CSMD1: variants seen among roughly 807,000 people sequenced by gnomAD.
CSMD1 encodes the protein CUB and sushi domain-containing protein 1.
A neutral mutation model predicts 417.5 loss-of-function variants in CSMD1; 213 were observed. The ratio of observed to expected loss-of-function variants is 0.51; its 90% CI spans 0.46 to 0.57. The LOEUF is 0.57. CSMD1 is among the 20% of genes least tolerant of loss of function. The pLI is 0.00. For synonymous variants in CSMD1, 2,862 were observed against 1,736.8 expected (o/e 1.65, Z -16.11); for missense variants, 6,923 against 4,529.7 (o/e 1.53, Z -15.17).
chr8:2,955,715 C>A lies in CSMD1; in HGVS notation c.9868G>T (p.Asp3290Tyr), dbSNP rs770023036. 1.9e-6 allele frequency: 3 copies of A among 1,613,834 alleles called. No individual in the cohort carries two copies. The highest frequency in any genetic ancestry group is 2.2e-5 in the East Asian group (1 of 44,880). The part of the protein sequence containing the change: ...TPAHADVRAI[D>Y]LPTFGYTLVY... ...AAGGTGTAGCCGAAAGTAGGAAGAT[C>A]GATGGCTCTCACATCCGCGTGTGCC... The change falls in exon 64 of 70, where the codon GAT becomes TAT. Residue 3290 changes from aspartate (D) to tyrosine (Y), a missense_variant. By Grantham distance (160) the Asp-to-Tyr change is radical (BLOSUM62 -3). Transcript: ENST00000635120.
intron 3 of CSMD1, among the ~76,000 whole-genome samples, chr8:4,051,043 T>G (rs556319138): frequency 6.6e-6 from 1 of 152,210 alleles, no homozygotes; most frequent in East Asian, 1.9e-4. Context: ...ACATGATGCC[T>G]GAAATCCTCT....
At chr8:3,429,739 A>C (rs34323169) in intron 12 of CSMD1, among the ~76,000 whole-genome samples, 3 of 152,102 alleles carry the variant, frequency 2.0e-5, no homozygotes, top group Admixed American at 2.0e-4. Flanking sequence ...TCAGCGTAAA[A>C]TTTTCTATGA....
At chr8:3,664,217 GT>G (rs1200090256) in intron 7 of CSMD1, among the ~76,000 whole-genome samples, 2 of 152,090 alleles carry the variant, frequency 1.3e-5, no homozygotes, top group African/African-American at 2.4e-5. Context: ...TGTGTGTGAT[GT>G]TCCCCCACTC....
intron 3 of CSMD1, among the ~76,000 whole-genome samples, chr8:4,315,159 C>A (rs190296360): frequency 1.3e-5 from 2 of 152,184 alleles, no homozygotes; most frequent in Admixed American, 6.5e-5. Context: ...CCACACCTAC[C>A]GGAGACAGAT....
intron 3 of CSMD1, among the ~76,000 whole-genome samples, chr8:4,347,165 T>C (rs938656431): frequency 1.3e-5 from 2 of 152,160 alleles, no homozygotes; most frequent in African/African-American, 4.8e-5. Flanking sequence ...CTGGGATCGG[T>C]GTTCAAGTTT....
At chr8:4,755,086 C>T (rs1412713005) in intron 1 of CSMD1, among the ~76,000 whole-genome samples, 9 of 152,054 alleles carry the variant, frequency 5.9e-5, no homozygotes, top group East Asian at 5.8e-4. Context: ...TGCAGTGAGC[C>T]GATATGGTGC....
At chr8:4,330,216 C>G (rs1309299459) in intron 3 of CSMD1, among the ~76,000 whole-genome samples, 1 of 151,962 alleles carries the variant, frequency 6.6e-6, no homozygotes, top group African/African-American at 2.4e-5. Flanking sequence ...TAACACCCGT[C>G]AGATCCACCT....
intron 33 of CSMD1, among the ~76,000 whole-genome samples, chr8:3,192,864 T>A (rs1796502521): frequency 6.6e-6 from 1 of 152,046 alleles, no homozygotes; most frequent in Admixed American, 6.6e-5. Context: ...CCATATAACA[T>A]AATATTTCTT....
chr8:4,028,167 G>T (rs942178509), intron 4 of CSMD1, among the ~76,000 whole-genome samples: 1 of 152,112 alleles, frequency 6.6e-6, no homozygotes, highest in Non-Finnish European at 1.5e-5. Context: ...AAAATAATGG[G>T]CATCTAGAGT....
rs561931182 is a variant in CSMD1 at position 3,193,729 on chromosome 8, C to T, written c.5195-3614G>A. Among the ~76,000 whole-genome samples, 218 of 152,208 alleles carry T rather than the reference C, an allele frequency of 1.4e-3. 1 individual carries two copies. The highest frequency in any genetic ancestry group is 4.9e-3 in the African/African-American group (203 of 41,520). ...TGATTGACTTCTCAGGCCAGACAAC[C>T]GTGTTTCTTCAGAGGCAGAACGCTC... On this transcript the variant is annotated intron_variant, in intron 33 of 69. Coordinates refer to ENST00000635120, the MANE Select transcript of CSMD1 (RefSeq NM_033225.6).
In CSMD1 at chr8:4,983,271, T is replaced by C. The variant is rs78168511; in HGVS notation, c.85+11061A>G. Among the ~76,000 whole-genome samples, 778 of 152,312 alleles carry C rather than the reference T, an allele frequency of 5.1e-3. 6 individuals are homozygous for C. The highest frequency in any genetic ancestry group is 0.034 in the East Asian group (176 of 5,182). On this transcript the variant is annotated intron_variant, in intron 1 of 69. Transcript: ENST00000635120. ...AATCTTTACCAACACCTTCCCTAGG[T>C]CAACTCTTCAACGAGTGTTTTCACA...
At chr8:3,697,592 T>C (rs992989970) in intron 7 of CSMD1, among the ~76,000 whole-genome samples, 1 of 152,212 alleles carries the variant, frequency 6.6e-6, no homozygotes, top group African/African-American at 2.4e-5. Flanking sequence ...ATTACAAGAA[T>C]ATAGCAGTTC....
rs558278242 is a variant in CSMD1, at chr8:3,111,183, G to A, written c.6431-848C>T. On this transcript the variant is annotated intron_variant, in intron 42 of 69. Coordinates refer to ENST00000635120, the MANE Select transcript of CSMD1 (RefSeq NM_033225.6). Reference sequence around the variant, plus strand: ...TTGCCACAAATGGTATAGAATTCAGGTAGAGGAAAAAGGCCCAAATACACA... The same window carrying A: ...TTGCCACAAATGGTATAGAATTCAGATAGAGGAAAAAGGCCCAAATACACA... Among the ~76,000 whole-genome samples, 16 of 152,180 alleles carry A rather than the reference G, an allele frequency of 1.1e-4. No individual in the cohort carries two copies. The South Asian group carries it at 2.7e-3, about 26-fold the overall frequency.
intron 5 of CSMD1, among the ~76,000 whole-genome samples, chr8:3,967,424 T>G (rs548986614): frequency 1.3e-5 from 2 of 150,864 alleles, no homozygotes; most frequent in Admixed American, 1.3e-4. Context: ...ACCTGATGCT[T>G]TCAAAGTCCT....
chr8:4,298,268 A>G (rs1797793545), intron 3 of CSMD1, among the ~76,000 whole-genome samples: 1 of 152,224 alleles, frequency 6.6e-6, no homozygotes, highest in African/African-American at 2.4e-5. Context: ...ATACATTAAA[A>G]GGTAAGAAGT....
At chr8:3,616,456 T>C (rs1802143196) in intron 8 of CSMD1, among the ~76,000 whole-genome samples, 1 of 152,176 alleles carries the variant, frequency 6.6e-6, no homozygotes. Flanking sequence ...TAAACGTCTT[T>C]CCTTTATAAA....
intron 26 of CSMD1, 58 bp from the exon 27 acceptor site, chr8:3,230,289 G>A: frequency 7.3e-7 from 1 of 1,361,732 alleles, no homozygotes; most frequent in East Asian, 2.5e-5. Flanking sequence ...CCACATTCTT[G>A]TCGGTGTGGT....
intron 3 of CSMD1, among the ~76,000 whole-genome samples, chr8:4,041,306 C>T (rs1192712048): frequency 2.0e-5 from 3 of 152,158 alleles, no homozygotes; most frequent in South Asian, 2.1e-4. Context: ...CGTGAGCCAC[C>T]GCGCCTGGCC....
Position 4,504,232 on chromosome 8 carries a change from A to C in CSMD1, c.303-84167T>G, listed in dbSNP as rs142664596. Among the ~76,000 whole-genome samples the C allele has an allele frequency of 1.6e-4, 24 of 152,318 alleles. No homozygotes were observed. In the East Asian group the frequency reaches 3.1e-3, roughly 20 times the overall value. ...CTGTGTGAACCAAGTCAGTTACAGA[A>C]AGTCAAATACCGTAGGATTCCATTT... On this transcript the variant is annotated intron_variant, in intron 2 of 69. Coordinates refer to ENST00000635120, the MANE Select transcript of CSMD1 (RefSeq NM_033225.6).
Sources: gnomAD v4.1 joint callset for allele counts (sites outside exome capture counted in the v4.1 genomes callset) on GRCh38, gnomAD v4.1.1 for gene constraint, MANE v1.5 for transcripts, NCBI Gene and HGNC (gene_info 2026-07-23, HGNC 2026-07-21) for gene names.